The following FAT1 variants were observed in gnomAD, a reference collection of about 807,000 sequenced individuals.
FAT1 encodes protocadherin Fat 1.
In FAT1, 171 loss-of-function variants were observed where a neutral mutation model predicts 329.8. That is an observed-to-expected ratio of 0.52 (90% CI 0.46 to 0.59). The LOEUF (loss-of-function observed/expected upper bound fraction) is 0.59, where lower values mean the gene tolerates loss of function less well. FAT1 is among the 20% of genes least tolerant of loss of function. The probability of loss-of-function intolerance (pLI) is 0.00; values close to 1 mark genes in which losing one functional copy is unlikely to be tolerated. For missense variants in FAT1, 5,672 were observed against 5,774.4 expected (o/e 0.98, Z 0.57); for synonymous variants, 2,233 against 2,228.6 (o/e 1.00, Z -0.06).
Position 186,633,797 on chromosome 4 carries a change from C to A in FAT1, c.4210G>T (p.Val1404Leu). ...TGGNYDSHFD[V>L]DKGTGTIIVA... ...ATGATGGTTCCAGTTCCCTTGTCCA[C>A]ATCGAAGTGACTGTCGTAGTTGCCA... The change falls in exon 7 of 27, where the codon GTG (valine) becomes TTG (leucine). Residue 1404 changes from valine (V) to leucine (L), a missense_variant. Physicochemically the swap from Val to Leu is conservative, Grantham distance 32. Transcript: ENST00000441802. 6.2e-7 allele frequency: 1 copy of A among 1,613,930 alleles called. No homozygotes were observed. The highest frequency in any genetic ancestry group is 8.5e-7 in the Non-Finnish European group (1 of 1,179,858).
intron 3 of FAT1, among the ~76,000 whole-genome samples, chr4:186,646,602 G>C (rs569349664): frequency 6.6e-6 from 1 of 151,984 alleles, no homozygotes; most frequent in Non-Finnish European, 1.5e-5. Flanking sequence ...TTCAAATGCT[G>C]CCTGTCAAAA....
rs2126507410 is a variant in FAT1 at position 186,619,620 on chromosome 4, C to T, written c.6966G>A (p.Met2322Ile). ...SEPNRGISYQ[M>I]FGNHSKSHDH... ...CATGACTCTTGCTGTGATTCCCAAA[C>T]ATCTGGTATGAGATTCCTCTATTTG... Residue 2322 changes from methionine (M) to isoleucine (I), a missense_variant, in exon 10 of 27, where the codon ATG becomes ATA. Met to Ile is a conservative substitution (Grantham distance 10). Transcript: ENST00000441802. 1 of 1,613,988 alleles carries T rather than the reference C, an allele frequency of 6.2e-7. No individual in the cohort carries two copies. Among genetic ancestry groups the T allele is most frequent in the Non-Finnish European group, 8.5e-7 (1 of 1,179,900 alleles).
At chr4:186,649,332 A>G (rs1322814500) in intron 3 of FAT1, among the ~76,000 whole-genome samples, 1 of 152,228 alleles carries the variant, frequency 6.6e-6, no homozygotes, top group Non-Finnish European at 1.5e-5. Flanking sequence ...TCCATTGAAC[A>G]GCATATTTTC....
chr4:186,591,921 G>A lies in FAT1; in HGVS notation c.13139-2701C>T, dbSNP rs79607172. Reference sequence around the variant, plus strand: ...TCGATGGCCTCTGTAAGCAGTTCTCGAGTGGGATCTCTAGACCGGCACCAT... The same window carrying A: ...TCGATGGCCTCTGTAAGCAGTTCTCAAGTGGGATCTCTAGACCGGCACCAT... On this transcript the variant is annotated intron_variant, in intron 26 of 26. Coordinates refer to ENST00000441802, the MANE Select transcript of FAT1 (RefSeq NM_005245.4). 5.9e-3 allele frequency among the ~76,000 whole-genome samples: 903 copies of A among 152,186 alleles called. 9 individuals are homozygous for A. Among genetic ancestry groups the A allele is most frequent in the African/African-American group, 0.021 (861 of 41,504 alleles).
At chr4:186,615,235 G>A (rs558014942) in intron 11 of FAT1, among the ~76,000 whole-genome samples, 21 of 152,048 alleles carry the variant, frequency 1.4e-4, no homozygotes, top group South Asian at 6.2e-4. Flanking sequence ...AGAGAATGTC[G>A]CACCCCTTCT....
At chr4:186,612,060 C>T (rs902185821) in intron 13 of FAT1, among the ~76,000 whole-genome samples, 14 of 150,782 alleles carry the variant, frequency 9.3e-5, no homozygotes, top group African/African-American at 1.9e-4. Context: ...CCACCCGCCT[C>T]GGCCTCCCAA....
chr4:186,699,121 C>T (rs1400414897), intron 2 of FAT1, among the ~76,000 whole-genome samples: 1 of 152,036 alleles, frequency 6.6e-6, no homozygotes, highest in African/African-American at 2.4e-5. Flanking sequence ...GGCCTGTACA[C>T]GGCAAGTACT....
rs773700907 is a variant in FAT1, at chr4:186,614,255, G to A, written c.9165C>T (p.Asn3055=). ...CCAATAACGTGTAAGTAATTTCAGC[G>A]TTAGAGCGGATGTCTGCGTCTGTAG... The part of the protein sequence containing the change: ...ISATDADIRS[N]AEITYTLLGS... Residue 3055 remains asparagine (N), a synonymous_variant, in exon 12 of 27, where the codon AAC becomes AAT. Coordinates refer to ENST00000441802, the MANE Select transcript of FAT1 (RefSeq NM_005245.4). 5.6e-6 allele frequency: 9 copies of A among 1,602,928 alleles called. No homozygotes were observed. The highest frequency in any genetic ancestry group is 3.4e-5 in the South Asian group (3 of 88,390).
At chr4:186,608,174 A>T (rs1739234481) in intron 16 of FAT1, among the ~76,000 whole-genome samples, 1 of 152,050 alleles carries the variant, frequency 6.6e-6, no homozygotes, top group African/African-American at 2.4e-5. Flanking sequence ...GTGGATTCTA[A>T]TTTTTCCTTT....
chr4:186,639,310 G>T (rs1219273510), intron 4 of FAT1, among the ~76,000 whole-genome samples: 2 of 152,154 alleles, frequency 1.3e-5, no homozygotes, highest in South Asian at 4.1e-4. Flanking sequence ...AGTTAAAAAG[G>T]TTGAAACAGA....
chr4:186,692,518 T>G (rs966011909), intron 2 of FAT1, among the ~76,000 whole-genome samples: 3 of 152,260 alleles, frequency 2.0e-5, no homozygotes, highest in Non-Finnish European at 4.4e-5. Flanking sequence ...TTCACCGTGT[T>G]AGCCAGGATG....
intron 7 of FAT1, 98 bp downstream of exon 7, chr4:186,633,586 A>G (rs1740688283): frequency 6.0e-6 from 8 of 1,329,950 alleles, no homozygotes; most frequent in Non-Finnish European, 8.5e-6. Flanking sequence ...TTAGACCCTC[A>G]CAGGGCAGAA....
intron 1 of FAT1, among the ~76,000 whole-genome samples, chr4:186,712,169 C>A (rs187166357): frequency 6.6e-6 from 1 of 152,172 alleles, no homozygotes; most frequent in African/African-American, 2.4e-5. Flanking sequence ...ACTGGAAAAA[C>A]GAAGCTGATC....
intron 26 of FAT1, chr4:186,590,587 A>G (rs1738193726): frequency 2.2e-6 from 1 of 459,620 alleles, no homozygotes; most frequent in Non-Finnish European, 4.3e-6. Flanking sequence ...TGTACCACAA[A>G]TAAAATGGAA....
Position 186,707,945 on chromosome 4 carries a change from C to A in FAT1, c.1883G>T (p.Arg628Leu), listed in dbSNP as rs377259095. The A allele has an allele frequency of 3.7e-6, 6 of 1,613,980 alleles. No homozygotes were observed. Among genetic ancestry groups the A allele is most frequent in the Non-Finnish European group, 5.1e-6 (6 of 1,179,892 alleles). The change falls in exon 2 of 27, where the codon CGA becomes CTA. Residue 628 changes from arginine to leucine, a missense_variant. Around this residue, in one of 2 missense-constraint regions of FAT1, gnomAD observed 3,966 missense variants for 3,915.2 expected, o/e 1.01. Transcript: ENST00000441802. ...TGCACCTAAGCCATCCATTAGCGATCGCTTTAATGACAATACCCCCGAGTT... is the reference window on the plus strand; with the variant it reads ...TGCACCTAAGCCATCCATTAGCGATAGCTTTAATGACAATACCCCCGAGTT... ...NPNSGVLSLK[R>L]SLMDGLGAKV...
At chr4:186,654,857 C>G (rs2126602073) in intron 3 of FAT1, among the ~76,000 whole-genome samples, 1 of 150,138 alleles carries the variant, frequency 6.7e-6, no homozygotes, top group African/African-American at 2.5e-5. Context: ...TGCAGTGAGC[C>G]AAGATGGCAT....
At chr4:186,616,350 A>T (rs1739709392) in intron 11 of FAT1, among the ~76,000 whole-genome samples, 1 of 151,856 alleles carries the variant, frequency 6.6e-6, no homozygotes, top group Non-Finnish European at 1.5e-5. Context: ...ACTTCTGGCA[A>T]ACTCAGTGGC....
At chr4:186,597,412 T>C in intron 24 of FAT1, 1 of 588,180 alleles carries the variant, frequency 1.7e-6, no homozygotes, top group South Asian at 2.4e-5. Context: ...ATCAAGCCAA[T>C]ATTAATGGCC....
At chr4:186,599,857 C>T (rs1015601584) in intron 22 of FAT1, 41 bp downstream of exon 22, 7 of 1,457,872 alleles carry the variant, frequency 4.8e-6, no homozygotes, top group African/African-American at 2.8e-5. Flanking sequence ...TAAATGTACA[C>T]ACGTGCAGCA....
Sources: allele counts gnomAD v4.1 joint callset (sites outside exome capture counted in the v4.1 genomes callset), GRCh38; gene constraint gnomAD v4.1.1; regional missense constraint gnomAD v4.1.1; transcripts MANE v1.5; gene names NCBI Gene and HGNC (gene_info 2026-07-23, HGNC 2026-07-21).